The following TRPM2 variants were observed in gnomAD, a reference collection of about 807,000 sequenced individuals.
The protein encoded by TRPM2 is estrogen-responsive element-associated gene 1 protein.
In TRPM2, 161 loss-of-function variants were observed where a neutral mutation model predicts 174.0. The ratio of observed to expected loss-of-function variants is 0.93; its 90% confidence interval spans 0.81 to 1.05. The LOEUF (loss-of-function observed/expected upper bound fraction) is 1.05. Ranked by LOEUF, TRPM2 falls within the 50% of genes least tolerant of loss-of-function variation. The pLI, the probability that TRPM2 is intolerant of heterozygous loss-of-function variation, is 0.00. For synonymous variants in TRPM2, 954 were observed against 861.3 expected (o/e 1.11, Z -1.88); for missense variants, 2,057 against 2,038.0 (o/e 1.01, Z -0.18).
chr21:44,410,691 A>G (rs62218776), intron 19 of TRPM2, among the ~76,000 whole-genome samples: 19 of 43,800 alleles, frequency 4.3e-4, no homozygotes, highest in South Asian at 2.1e-3. Context: ...AGTTTTGACC[A>G]CACTGTCTTG....
Position 44,375,004 on chromosome 21 carries a change from C to T in TRPM2, c.772-829C>T, listed in dbSNP as rs188594616. ...GGTGCGATCCTCAGCCTTGACCTCC[C>T]GGGCTCAAGTGATCTTCCCATCTCA... On this transcript the variant is annotated intron_variant, in intron 5 of 31. Coordinates refer to ENST00000397928, the MANE Select transcript of TRPM2 (RefSeq NM_003307.4). Among the ~76,000 whole-genome samples the T allele has an allele frequency of 1.9e-4, 29 of 152,268 alleles. 2 individuals carry two copies. The highest frequency in any genetic ancestry group is 3.9e-4 in the East Asian group (2 of 5,170).
intron 9 of TRPM2, among the ~76,000 whole-genome samples, chr21:44,389,173 A>G (rs1028933525): frequency 2.0e-5 from 3 of 152,222 alleles, no homozygotes; most frequent in Non-Finnish European, 4.4e-5. Context: ...GAATGAAATC[A>G]TACATGATGC....
intron 2 of TRPM2, among the ~76,000 whole-genome samples, chr21:44,358,711 C>G (rs1382709793): frequency 6.6e-6 from 1 of 152,126 alleles, no homozygotes; most frequent in Non-Finnish European, 1.5e-5. Flanking sequence ...GAGCTCAGGT[C>G]CTTGTCTAGG....
chr21:44,364,080 C>T, intron 2 of TRPM2, 34 bp from the exon 3 acceptor site: 1 of 1,600,640 alleles, frequency 6.2e-7, no homozygotes, highest in Middle Eastern at 1.7e-4. Flanking sequence ...AAGGGCACCA[C>T]ACTCCCTGGG....
At chr21:44,351,569 C>T (rs1267736212), upstream of TRPM2, among the ~76,000 whole-genome samples, 1 of 152,228 alleles carries the variant, frequency 6.6e-6, no homozygotes, top group Admixed American at 6.5e-5. Flanking sequence ...CCAAGCTGTT[C>T]TCAGGTGACT....
chr21:44,413,458 G>A (rs2146327573), intron 19 of TRPM2, among the ~76,000 whole-genome samples: 1 of 152,228 alleles, frequency 6.6e-6, no homozygotes, highest in Admixed American at 6.5e-5. Context: ...GACCAGGCTG[G>A]TCTCAAACTC....
chr21:44,423,542 G>A (rs1000799125), intron 22 of TRPM2, 103 bp from the exon 23 acceptor site: 1 of 931,734 alleles, frequency 1.1e-6, no homozygotes, highest in South Asian at 1.4e-5. Context: ...GGCTGACACA[G>A]GGCCTTGGTG....
At chr21:44,394,530 A>G (rs1390718538) in intron 11 of TRPM2, among the ~76,000 whole-genome samples, 1 of 151,728 alleles carries the variant, frequency 6.6e-6, no homozygotes, top group East Asian at 2.0e-4. Flanking sequence ...TGCGTTAGCC[A>G]GGATGGTCTC....
intron 2 of TRPM2, among the ~76,000 whole-genome samples, chr21:44,358,663 T>C (rs369687993): frequency 2.9e-4 from 44 of 152,308 alleles, no homozygotes; most frequent in African/African-American, 1.1e-3. Context: ...GTTAGGAACA[T>C]ACAAGGACAT....
chr21:44,364,249 C>T lies in TRPM2; in HGVS notation c.390C>T (p.Ile130=), dbSNP rs371605037. The stretch of plus-strand genomic sequence containing the variant: ...TGCCAACCGATGCCTTTGGCGACAT[C>T]GTCTTCACGGGCCTGAGCCAGAAGG... ...QEMPTDAFGD[I]VFTGLSQKVK... Residue 130 remains isoleucine, a synonymous_variant, in exon 3 of 32, where the codon ATC becomes ATT. Coordinates refer to ENST00000397928, the MANE Select transcript of TRPM2 (RefSeq NM_003307.4). 86 of 1,614,086 alleles carry T rather than the reference C, an allele frequency of 5.3e-5. No individual in the cohort carries two copies. The highest frequency in any genetic ancestry group is 4.9e-4 in the East Asian group (22 of 44,888).
rs752298160 is a variant in TRPM2, at chr21:44,437,180, C to T, written c.4167+13C>T. 22 of 1,548,284 alleles carry T rather than the reference C, an allele frequency of 1.4e-5. No individual in the cohort carries two copies. The highest frequency in any genetic ancestry group is 4.8e-5 in the South Asian group (4 of 83,998). On this transcript the variant is annotated intron_variant, in intron 29 of 31. Coordinates refer to ENST00000397928, the MANE Select transcript of TRPM2 (RefSeq NM_003307.4). ...GGCCCTGCCTGGGGTAAGGCTGCCG[C>T]GTGTGGGACCTCTGTCCACTGGGCT...
At chr21:44,421,984 C>G (rs1230848898) in intron 22 of TRPM2, among the ~76,000 whole-genome samples, 1 of 152,218 alleles carries the variant, frequency 6.6e-6, no homozygotes, top group African/African-American at 2.4e-5. Flanking sequence ...TCCGCTGGGC[C>G]GCTGGCTGGT....
At chr21:44,378,807 C>T (rs546496155) in intron 7 of TRPM2, among the ~76,000 whole-genome samples, 190 bp from the exon 8 acceptor site, 212 of 152,308 alleles carry the variant, frequency 1.4e-3, no homozygotes, top group African/African-American at 4.4e-3. Flanking sequence ...TGTGCAGCCC[C>T]CAGTGTGTTG....
In TRPM2 at chr21:44,399,088, T is replaced by G. The variant is rs1461864824; in HGVS notation, c.2063-208T>G. Among the ~76,000 whole-genome samples the G allele has an allele frequency of 6.6e-6, 1 of 152,060 alleles. No homozygotes were observed. On this transcript the variant is annotated intron_variant, in intron 13 of 31. Coordinates refer to ENST00000397928, the MANE Select transcript of TRPM2 (RefSeq NM_003307.4). The surrounding 1 kb of genome is among the most constrained non-coding windows in gnomAD (Gnocchi z 4.6). ...GTCTGAGTTTTCTCCCTGTTGTCATTTTTGTAGAGGCAGTTCCAGCCCTAC... is the reference window on the plus strand; with the variant it reads ...GTCTGAGTTTTCTCCCTGTTGTCATGTTTGTAGAGGCAGTTCCAGCCCTAC...
At chr21:44,397,062 G>A (rs1203007491) in intron 12 of TRPM2, among the ~76,000 whole-genome samples, 13 of 150,054 alleles carry the variant, frequency 8.7e-5, no homozygotes, top group African/African-American at 2.7e-4. Flanking sequence ...TTTTTGAGAC[G>A]GAGTCTTGCT....
chr21:44,392,698 C>A (rs2049220407), intron 11 of TRPM2, among the ~76,000 whole-genome samples: 1 of 152,100 alleles, frequency 6.6e-6, no homozygotes, highest in African/African-American at 2.4e-5. Flanking sequence ...AGGGCTTCAA[C>A]ATATGAATTT....
rs1428353722 is a variant in TRPM2, at chr21:44,376,036, G to T, written c.952+23G>T. Reference sequence around the variant, plus strand: ...GAGGTAGGGGAGCTTGCTTTCGAGGGTGATTGGGCAGAGAGCACAGTGGGC... The same window carrying T: ...GAGGTAGGGGAGCTTGCTTTCGAGGTTGATTGGGCAGAGAGCACAGTGGGC... On this transcript the variant is annotated intron_variant, in intron 6 of 31. Coordinates refer to ENST00000397928, the MANE Select transcript of TRPM2 (RefSeq NM_003307.4). This position sits in a 1 kb window ranked among gnomAD's most constrained non-coding sequence, Gnocchi z 4.2. The T allele has an allele frequency of 8.1e-6, 13 of 1,607,258 alleles. No homozygotes were observed. The African/African-American group carries it at 1.5e-4, about 18-fold the overall frequency.
chr21:44,392,657 A>G (rs968741271), intron 11 of TRPM2, among the ~76,000 whole-genome samples: 5 of 152,008 alleles, frequency 3.3e-5, no homozygotes, highest in Non-Finnish European at 2.9e-5. Flanking sequence ...TAAAGGCCCT[A>G]TCTCCAAATG....
At chr21:44,425,600 G>T (rs1434141127) in intron 24 of TRPM2, 70 bp from the exon 25 acceptor site, 4 of 1,422,828 alleles carry the variant, frequency 2.8e-6, no homozygotes, top group Non-Finnish European at 3.7e-6. Context: ...CACAGAGGAA[G>T]TCCTTGTCCT....
Sources: gnomAD v4.1 joint callset for allele counts (sites outside exome capture counted in the v4.1 genomes callset) on GRCh38, gnomAD v4.1.1 for gene constraint, Gnocchi (gnomAD v3.1) non-coding constraint, MANE v1.5 for transcripts, NCBI Gene and HGNC (gene_info 2026-07-23, HGNC 2026-07-21) for gene names.